The following KIAA1671 variants were observed in gnomAD, a reference collection of about 807,000 sequenced individuals.
KIAA1671 encodes uncharacterized protein KIAA1671.
Under a neutral mutation model 131.2 loss-of-function variants are expected in KIAA1671, and 52 were observed. The observed-to-expected ratio is 0.40, with a 90% confidence interval of 0.32 to 0.50. KIAA1671 has a LOEUF of 0.50. Ranked by LOEUF, KIAA1671 falls within the 20% of genes least tolerant of loss-of-function variation. The probability of loss-of-function intolerance (pLI) is 0.73; values close to 1 mark genes in which losing one functional copy is unlikely to be tolerated. For missense variants in KIAA1671, 2,360 were observed against 2,364.2 expected (o/e 1.00, Z 0.04); for synonymous variants, 1,003 against 961.6 (o/e 1.04, Z -0.80).
chr22:25,178,621 A>G (rs1934130924), intron 9 of KIAA1671, among the ~76,000 whole-genome samples: 1 of 152,224 alleles, frequency 6.6e-6, no homozygotes, highest in Non-Finnish European at 1.5e-5. Flanking sequence ...TAGACCATGC[A>G]GCCTGCTCAT....
chr22:25,114,148 G>C (rs1323363832), intron 6 of KIAA1671, among the ~76,000 whole-genome samples: 1 of 152,200 alleles, frequency 6.6e-6, no homozygotes, highest in African/African-American at 2.4e-5. Context: ...ATGCCACCAA[G>C]AGTGTAAATA....
At chr22:25,118,700 C>A (rs182348743) in intron 6 of KIAA1671, among the ~76,000 whole-genome samples, 84 of 152,248 alleles carry the variant, frequency 5.5e-4, no homozygotes, top group Admixed American at 2.1e-3. Context: ...GAGATCAGGT[C>A]ATTCCCCTGC....
chr22:25,046,495 C>T lies in KIAA1671; in HGVS notation c.4396-2735C>T, dbSNP rs578068477. ...ACATTTATAGAAACTGTTTCCCAGA[C>T]CCAACAGTATTTCATTTATTTAAAT... is the stretch of plus-strand genomic sequence containing the variant. On this transcript the variant is annotated intron_variant, in intron 5 of 12. Transcript: ENST00000358431. 1.6e-3 allele frequency among the ~76,000 whole-genome samples: 171 copies of T among 104,104 alleles called. 1 individual carries two copies. The highest frequency in any genetic ancestry group is 8.2e-3 in the African/African-American group (158 of 19,270). 68.3% of individuals were successfully genotyped at this position (104,104 alleles called of 152,430 possible).
At chr22:25,089,871 C>A (rs996489880) in intron 6 of KIAA1671, among the ~76,000 whole-genome samples, 1 of 152,124 alleles carries the variant, frequency 6.6e-6, no homozygotes, top group Admixed American at 6.5e-5. Flanking sequence ...CTGGCCGTGG[C>A]CTTTCTGGGT....
chr22:24,986,012 G>A (rs1923510613), intron 1 of KIAA1671, among the ~76,000 whole-genome samples: 2 of 152,260 alleles, frequency 1.3e-5, no homozygotes, highest in African/African-American at 4.8e-5. Flanking sequence ...GGGGGATGGG[G>A]ACGTGTGAAA....
Position 25,174,283 on chromosome 22 carries a change from A to C in KIAA1671, c.4693A>C (p.Lys1565Gln), listed in dbSNP as rs776806525. The C allele has an allele frequency of 1.3e-6, 2 of 1,551,700 alleles. No homozygotes were observed. Among genetic ancestry groups the C allele is most frequent in the South Asian group, 2.4e-5 (2 of 84,052 alleles). ...SPDSSATSTR[K>Q]QPPSSRLSSL... ...AGATAGCAGTGCCACATCGACAAGG[A>C]AACAGCCCCCCAGCAGCCGTTTGTC... Residue 1565 changes from lysine (K) to glutamine (Q), a missense_variant, in exon 8 of 13, where the codon AAA becomes CAA. By Grantham distance (53) the Lys-to-Gln change is moderately conservative (BLOSUM62 1). Coordinates refer to ENST00000358431, the MANE Select transcript of KIAA1671 (RefSeq NM_001145206.2).
At chr22:25,053,276 C>T (rs1230630086) in intron 6 of KIAA1671, 2 of 152,192 alleles carry the variant, frequency 1.3e-5, no homozygotes, top group Admixed American at 6.5e-5. Flanking sequence ...CTCAGGACCT[C>T]GAGTCCACAT....
At chr22:25,093,776 C>CTCTCTCTCTCTCTG (rs1930210357) in intron 6 of KIAA1671, among the ~76,000 whole-genome samples, 3 of 109,586 alleles carry the variant, frequency 2.7e-5, no homozygotes, top group African/African-American at 1.2e-4. Context: ...CTGTCTCTCT[C>CTCTCTCTCTCTCTG]TCTCTCTCTC....
At chr22:25,093,813 T>C (rs200388201) in intron 6 of KIAA1671, among the ~76,000 whole-genome samples, 3 of 98,274 alleles carry the variant, frequency 3.1e-5, no homozygotes, top group South Asian at 3.6e-4. Flanking sequence ...TCTCTCTCTG[T>C]CTCTCTCTCT....
intron 1 of KIAA1671, chr22:25,015,095 C>G (rs1925232884): frequency 6.6e-6 from 1 of 151,968 alleles, no homozygotes; most frequent in African/African-American, 2.4e-5. Flanking sequence ...AAAAAATTAG[C>G]AGGTCATGGT....
intron 6 of KIAA1671, among the ~76,000 whole-genome samples, chr22:25,169,593 C>T (rs1933772071): frequency 6.6e-6 from 1 of 152,206 alleles, no homozygotes; most frequent in Non-Finnish European, 1.5e-5. Context: ...GCCTAAGTGG[C>T]AGCCACTTCA....
intron 6 of KIAA1671, among the ~76,000 whole-genome samples, chr22:25,142,882 A>G (rs1220967104): frequency 2.0e-5 from 3 of 152,062 alleles, no homozygotes; most frequent in Admixed American, 2.0e-4. Context: ...TAAATAATAA[A>G]ATAAACCAGG....
At chr22:24,995,797 T>G (rs1924102698) in intron 1 of KIAA1671, among the ~76,000 whole-genome samples, 1 of 152,254 alleles carries the variant, frequency 6.6e-6, no homozygotes, top group Non-Finnish European at 1.5e-5. Context: ...GTACCTACCC[T>G]TGCTTCCATT....
chr22:25,172,064 C>G (rs1483153440), intron 7 of KIAA1671, among the ~76,000 whole-genome samples: 1 of 152,164 alleles, frequency 6.6e-6, no homozygotes, highest in African/African-American at 2.4e-5. Context: ...CCCGAGAAAG[C>G]TGTTTTTCCC....
At chr22:25,074,783 C>A (rs1303869208) in intron 6 of KIAA1671, among the ~76,000 whole-genome samples, 1 of 152,168 alleles carries the variant, frequency 6.6e-6, no homozygotes, top group Non-Finnish European at 1.5e-5. Flanking sequence ...TCATCTGCAA[C>A]TGGACACTTC....
At chr22:25,111,815 T>G (rs1601325256) in intron 6 of KIAA1671, 1 of 120,246 alleles carries the variant, frequency 8.3e-6, no homozygotes, top group East Asian at 3.0e-4. Flanking sequence ...CGCCCTGGAG[T>G]GAGTGCAGCC....
At chr22:25,145,975 A>T (rs1932872340) in intron 6 of KIAA1671, among the ~76,000 whole-genome samples, 1 of 151,688 alleles carries the variant, frequency 6.6e-6, no homozygotes, top group South Asian at 2.1e-4. Flanking sequence ...AACAAGCTGG[A>T]TTAATGCTGA....
chr22:25,185,227 T>C (rs1047249552), intron 11 of KIAA1671, 108 bp downstream of exon 11: 3 of 1,184,178 alleles, frequency 2.5e-6, no homozygotes, highest in African/African-American at 3.1e-5. Context: ...GTTACAACTT[T>C]TTAATTTTCT....
At chr22:25,125,989 A>G (rs1219080366) in intron 6 of KIAA1671, among the ~76,000 whole-genome samples, 1 of 152,244 alleles carries the variant, frequency 6.6e-6, no homozygotes, top group Non-Finnish European at 1.5e-5. Context: ...GGCGCAAACA[A>G]TATCAGTTCA....
Sources: gnomAD v4.1 joint callset for allele counts (sites outside exome capture counted in the v4.1 genomes callset) on GRCh38, gnomAD v4.1.1 for gene constraint, MANE v1.5 for transcripts, NCBI Gene and HGNC (gene_info 2026-07-23, HGNC 2026-07-21) for gene names.